Variants in POFUT3 observed in about 807,000 individuals in gnomAD.
The protein encoded by POFUT3 is protein O-fucosyltransferase 3, also known as GDP-fucose protein O-fucosyltransferase 3.
At chr8:33,327,070 G>A in the POFUT3 span, among the ~76,000 whole-genome samples, 8 of 152,282 alleles carry the variant, frequency 5.3e-5, no homozygotes, top group East Asian at 5.8e-4. Context: ...GAACCACTGC[G>A]CCCACTCCTG....
At chr8:33,472,688 G>A in the POFUT3 span, among the ~76,000 whole-genome samples, 1 of 152,218 alleles carries the variant, frequency 6.6e-6, no homozygotes, top group Non-Finnish European at 1.5e-5. Flanking sequence ...ATGGACGGCC[G>A]CGGACCTGGG....
the POFUT3 span, among the ~76,000 whole-genome samples, chr8:33,384,291 A>G: frequency 1.3e-5 from 2 of 152,224 alleles, no homozygotes; most frequent in Non-Finnish European, 2.9e-5. Context: ...CATCACTGCC[A>G]CTGTTGAAGA....
chr8:33,334,077 C>G, the POFUT3 span, among the ~76,000 whole-genome samples: 4 of 152,154 alleles, frequency 2.6e-5, no homozygotes. Flanking sequence ...ACTTTATTCT[C>G]TTGGCCAACA....
At chr8:33,467,203 G>A in the POFUT3 span, among the ~76,000 whole-genome samples, 2 of 150,828 alleles carry the variant, frequency 1.3e-5, no homozygotes, top group Admixed American at 6.6e-5. Context: ...AACCCGGGAG[G>A]TGGAGGTTGC....
chr8:33,397,079 G>T, the POFUT3 span, among the ~76,000 whole-genome samples: 2 of 152,128 alleles, frequency 1.3e-5, no homozygotes, highest in African/African-American at 4.8e-5. Context: ...AGTGACCTGA[G>T]TTTTTTCTCA....
At chr8:33,451,251 G>A in the POFUT3 span, among the ~76,000 whole-genome samples, 1 of 152,014 alleles carries the variant, frequency 6.6e-6, no homozygotes, top group Non-Finnish European at 1.5e-5. Flanking sequence ...GTTCCAATAA[G>A]CACTTCCTTT....
the POFUT3 span, among the ~76,000 whole-genome samples, chr8:33,404,337 CAAA>C: frequency 8.1e-5 from 9 of 110,912 alleles, no homozygotes; most frequent in Middle Eastern, 4.4e-3. Flanking sequence ...GGCTCTGTCT[CAAA>C]AAAAAAAAAA....
chr8:33,337,886 G>C, the POFUT3 span, among the ~76,000 whole-genome samples: 1 of 152,160 alleles, frequency 6.6e-6, no homozygotes, highest in African/African-American at 2.4e-5. Context: ...TGAAGGTTTG[G>C]TTTCTTCCAA....
chr8:33,406,244 AT>A, the POFUT3 span, among the ~76,000 whole-genome samples: 4 of 151,872 alleles, frequency 2.6e-5, no homozygotes, highest in Admixed American at 2.6e-4. Flanking sequence ...GAAAAAAAAA[AT>A]CTTCAAAATC....
chr8:33,418,117 C>CA, the POFUT3 span, among the ~76,000 whole-genome samples: 1 of 152,196 alleles, frequency 6.6e-6, no homozygotes, highest in Non-Finnish European at 1.5e-5. Flanking sequence ...CAGCAGACTG[C>CA]ATCCTACACT....
chr8:33,427,259 T>C, the POFUT3 span, among the ~76,000 whole-genome samples: 1 of 151,972 alleles, frequency 6.6e-6, no homozygotes, highest in South Asian at 2.1e-4. Flanking sequence ...CTGGACAACA[T>C]AGGAGACCTT....
At chr8:33,358,518 T>A in the POFUT3 span, among the ~76,000 whole-genome samples, 3 of 152,222 alleles carry the variant, frequency 2.0e-5, no homozygotes, top group African/African-American at 7.2e-5. Flanking sequence ...GTATCAGTGT[T>A]CAATTTATTA....
At chr8:33,392,213 A>C in the POFUT3 span, among the ~76,000 whole-genome samples, 18 of 152,176 alleles carry the variant, frequency 1.2e-4, no homozygotes, top group East Asian at 2.9e-3. Context: ...GTGTGCAATC[A>C]CGCTAATATA....
At chr8:33,424,138 C>CA in the POFUT3 span, among the ~76,000 whole-genome samples, 12,550 of 136,718 alleles carry the variant, frequency 0.092, 837 homozygotes, top group African/African-American at 0.19. Context: ...GACTCCATTT[C>CA]AAAAAAAAAA....
the POFUT3 span, among the ~76,000 whole-genome samples, chr8:33,383,526 C>T: frequency 6.6e-6 from 1 of 152,098 alleles, no homozygotes; most frequent in South Asian, 2.1e-4. Context: ...TGGCCAGGCA[C>T]GGTGGCTCAT....
the POFUT3 span, among the ~76,000 whole-genome samples, chr8:33,406,649 G>A: frequency 0.27 from 41,234 of 151,434 alleles, 5,837 homozygotes; most frequent in South Asian, 0.44. Flanking sequence ...GCCCAGGCTG[G>A]TTTTGAACTC....
the POFUT3 span, among the ~76,000 whole-genome samples, chr8:33,408,972 T>A: frequency 6.6e-6 from 1 of 152,120 alleles, no homozygotes; most frequent in Non-Finnish European, 1.5e-5. Flanking sequence ...TAAAAAGAGA[T>A]GTGAGATCCT....
chr8:33,388,921 T>G, the POFUT3 span: 1 of 1,496,752 alleles, frequency 6.7e-7, no homozygotes, highest in East Asian at 2.3e-5. Context: ...AACATCAAGA[T>G]GGCCAGCCTG....
the POFUT3 span, chr8:33,371,620 T>C: frequency 6.6e-6 from 1 of 152,176 alleles, no homozygotes; most frequent in African/African-American, 2.4e-5. Flanking sequence ...CTCCTTGTCT[T>C]CTGAGGTGCT....
Sources: allele counts gnomAD v4.1 joint callset (sites outside exome capture counted in the v4.1 genomes callset), GRCh38; gene constraint gnomAD v4.1.1; transcripts MANE v1.5; gene names NCBI Gene and HGNC (gene_info 2026-07-23, HGNC 2026-07-21).